LIPT1: variants seen among roughly 807,000 people sequenced by gnomAD.
LIPT1 encodes the protein lipoyl amidotransferase LIPT1, mitochondrial.
A neutral mutation model predicts 25.1 loss-of-function variants in LIPT1; 22 were observed. The observed-to-expected ratio is 0.88, with a 90% confidence interval of 0.63 to 1.25. The LOEUF (loss-of-function observed/expected upper bound fraction) is 1.25, where lower values mean the gene tolerates loss of function less well. Ranked by LOEUF, LIPT1 falls within the 50% of genes most tolerant of loss-of-function variation. LIPT1 has a pLI of 0.00. For missense variants in LIPT1, 399 were observed against 432.8 expected (o/e 0.92, Z 0.69); for synonymous variants, 131 against 150.8 (o/e 0.87, Z 0.96).
rs747631409 is a variant in LIPT1, at chr2:99,162,048, G to A, written c.91G>A (p.Gly31Arg). ...AAGFKKTVKN[G>R]LILQSISNDV... ...TGGCTTTAAAAAAACAGTAAAAAAT[G>A]GGCTCATTTTACAGTCAATTTCCAA... is the stretch of plus-strand genomic sequence containing the variant. The change falls in exon 2 of 2, where the codon GGG becomes AGG. Residue 31 changes from glycine (G) to arginine (R), a missense_variant. Physicochemically the swap from Gly to Arg is moderately radical, Grantham distance 125. Coordinates refer to ENST00000651691, the MANE Select transcript of LIPT1 (RefSeq NM_145199.3). 5.0e-6 allele frequency: 8 copies of A among 1,613,814 alleles called. No homozygotes were observed. The highest frequency in any genetic ancestry group is 6.8e-6 in the Non-Finnish European group (8 of 1,179,950).
chr2:99,159,263 C>G (rs953681141), intron 1 of LIPT1, among the ~76,000 whole-genome samples: 1 of 152,094 alleles, frequency 6.6e-6, no homozygotes, highest in Non-Finnish European at 1.5e-5. Context: ...CGGGGTTTCA[C>G]TGTGTTAGCC....
rs964774598 is a variant in LIPT1 at position 99,155,415 on chromosome 2, C to G, written c.-2+364C>G. The G allele has an allele frequency of 4.0e-5, 18 of 451,348 alleles. No individual in the cohort carries two copies. In the East Asian group the frequency reaches 1.3e-3, roughly 31 times the overall value. 28.0% of individuals were successfully genotyped at this position (451,348 alleles called of 1,614,324 possible). Reference sequence around the variant, plus strand: ...AGGGGACAAAATAATAGGGTCTTGGCGAGGTCTTATGAAGAAGCTGCGCCT... The same window carrying G: ...AGGGGACAAAATAATAGGGTCTTGGGGAGGTCTTATGAAGAAGCTGCGCCT... On this transcript the variant is annotated intron_variant, in intron 1 of 1. Coordinates refer to ENST00000651691, the MANE Select transcript of LIPT1 (RefSeq NM_145199.3).
At chr2:99,155,494 G>A (rs1433553784) in intron 1 of LIPT1, 2 of 455,974 alleles carry the variant, frequency 4.4e-6, no homozygotes, top group African/African-American at 2.0e-5. Flanking sequence ...CAGTGATGGG[G>A]AGCCGTGTTT....
intron 1 of LIPT1, among the ~76,000 whole-genome samples, chr2:99,161,119 GC>G (rs1397290092): frequency 6.6e-6 from 1 of 150,890 alleles, no homozygotes; most frequent in Non-Finnish European, 1.5e-5. Flanking sequence ...ACAAAATTTA[GC>G]CACACGTGGT....
chr2:99,159,368 A>G (rs1460431733), intron 1 of LIPT1, among the ~76,000 whole-genome samples: 2 of 151,978 alleles, frequency 1.3e-5, no homozygotes, highest in African/African-American at 4.8e-5. Context: ...CGGCCAGTTC[A>G]CCTTCTTAAT....
chr2:99,156,761 T>C (rs891564479), intron 1 of LIPT1: 2 of 152,228 alleles, frequency 1.3e-5, no homozygotes, highest in African/African-American at 2.4e-5. Context: ...ATACATGCAT[T>C]GGCTCAATAC....
rs750027805 is a variant in LIPT1 at position 99,162,402 on chromosome 2, A to G, written c.445A>G (p.Thr149Ala). 1.2e-6 allele frequency: 2 copies of G among 1,614,050 alleles called. No homozygotes were observed. The highest frequency in any genetic ancestry group is 4.5e-5 in the East Asian group (2 of 44,892). The stretch of plus-strand genomic sequence containing the variant: ...CCAACCCCAGCTGGATGTGCAGGCT[A>G]CCAAAAGATTTGACCTTTTACTTGA... ...AVQPQLDVQA[T>A]KRFDLLLDGQ... Residue 149 changes from threonine (T) to alanine (A), a missense_variant, in exon 2 of 2, where the codon ACC becomes GCC. Transcript: ENST00000651691.
intron 1 of LIPT1, among the ~76,000 whole-genome samples, chr2:99,161,046 C>T (rs1405988755): frequency 6.7e-6 from 1 of 149,770 alleles, no homozygotes; most frequent in African/African-American, 2.5e-5. Context: ...GGCAGATCAC[C>T]TGAGGTCAGG....
chr2:99,155,132 G>C (rs2093737126), intron 1 of LIPT1, 81 bp downstream of exon 1: 4 of 445,312 alleles, frequency 9.0e-6, no homozygotes, highest in South Asian at 1.6e-5. Context: ...GGCGCGCGCG[G>C]TGTTTCTGGC....
Position 99,162,656 on chromosome 2 carries a change from A to C in LIPT1, c.699A>C (p.Thr233=). 2 of 1,614,154 alleles carry C rather than the reference A, an allele frequency of 1.2e-6. No individual in the cohort carries two copies. Among genetic ancestry groups the C allele is most frequent in the Non-Finnish European group, 1.7e-6 (2 of 1,179,990 alleles). ...TCEVLMNAVA[T]EYAAYHQIDN... is the part of the protein sequence containing the mutation. Reference sequence around the variant, plus strand: ...AAGTACTAATGAATGCTGTTGCTACAGAGTATGCTGCTTATCATCAAATTG... The same window carrying C: ...AAGTACTAATGAATGCTGTTGCTACCGAGTATGCTGCTTATCATCAAATTG... Residue 233 remains threonine, a synonymous_variant, in exon 2 of 2, where the codon ACA becomes ACC. Coordinates refer to ENST00000651691, the MANE Select transcript of LIPT1 (RefSeq NM_145199.3).
chr2:99,160,936 A>G (rs773972947), intron 1 of LIPT1, among the ~76,000 whole-genome samples: 5 of 152,134 alleles, frequency 3.3e-5, no homozygotes, highest in Admixed American at 6.5e-5. Context: ...CTTGTTAACA[A>G]TGGAATATTA....
At chr2:99,156,084 T>C (rs1445876642) in intron 1 of LIPT1, among the ~76,000 whole-genome samples, 1 of 152,148 alleles carries the variant, frequency 6.6e-6, no homozygotes, top group Non-Finnish European at 1.5e-5. Context: ...TGATTTTTTC[T>C]TATCTTTCGG....
chr2:99,162,865 AG>A lies in LIPT1; in HGVS notation c.909del (p.Asn304MetfsTer24). Reference protein sequence around the residue: ...HLEIKVFIDIKNGRIEICNIE... With the variant: ...HLEIKVFIDIXNGRIEICNIE... Reference sequence around the variant, plus strand: ...GAAATTAAAGTATTCATAGACATAAAGAATGGAAGAATTGAAATTTGTAATA... The same window carrying A: ...GAAATTAAAGTATTCATAGACATAAAAATGGAAGAATTGAAATTTGTAATA... On this transcript the variant is annotated frameshift_variant, in exon 2 of 2. Coordinates refer to ENST00000651691, the MANE Select transcript of LIPT1 (RefSeq NM_145199.3). LOFTEE classifies it high-confidence loss of function. The A allele has an allele frequency of 6.2e-7, 1 of 1,612,712 alleles. No individual in the cohort carries two copies. The highest frequency in any genetic ancestry group is 8.5e-7 in the Non-Finnish European group (1 of 1,179,058).
intron 1 of LIPT1, among the ~76,000 whole-genome samples, chr2:99,159,111 G>A (rs1240504742): frequency 6.6e-6 from 1 of 151,974 alleles, no homozygotes; most frequent in Non-Finnish European, 1.5e-5. Flanking sequence ...TGTATTTTTA[G>A]TAGAGACGGG....
At chr2:99,160,387 A>G (rs2093778758) in intron 1 of LIPT1, among the ~76,000 whole-genome samples, 1 of 152,230 alleles carries the variant, frequency 6.6e-6, no homozygotes, top group Non-Finnish European at 1.5e-5. Context: ...TCTTAAAAAT[A>G]AAAAATAAAA....
At chr2:99,157,756 G>C (rs2105186863) in intron 1 of LIPT1, among the ~76,000 whole-genome samples, 1 of 152,278 alleles carries the variant, frequency 6.6e-6, no homozygotes, top group East Asian at 1.9e-4. Context: ...AAATGTTGCT[G>C]CTCTTCAGTC....
chr2:99,160,822 T>C (rs938213180), intron 1 of LIPT1, among the ~76,000 whole-genome samples: 3 of 152,146 alleles, frequency 2.0e-5, no homozygotes, highest in South Asian at 4.1e-4. Context: ...TAAAGTGTTA[T>C]AAAGACATAA....
At position 99,155,260 on chromosome 2, in the gene LIPT1, A is replaced by C. The variant is rs557695744; in HGVS notation, c.-2+209A>C. The C allele has an allele frequency of 1.8e-3, 679 of 367,226 alleles. 4 individuals are homozygous for C. The highest frequency in any genetic ancestry group is 2.7e-3 in the Non-Finnish European group (502 of 184,544). 22.7% of individuals were successfully genotyped at this position (367,226 alleles called of 1,614,324 possible). A position where few individuals can be genotyped will look rare whatever the true frequency, so the allele number is the denominator to read the frequency against. On this transcript the variant is annotated intron_variant, in intron 1 of 1. Transcript: ENST00000651691. The stretch of plus-strand genomic sequence containing the variant: ...GTTAGGAACGGTTGATCCCGAACAC[A>C]GGAGGGAGGGTAAATATCGTAAAAC...
At chr2:99,156,133 T>G (rs1205885110) in intron 1 of LIPT1, among the ~76,000 whole-genome samples, 1 of 152,244 alleles carries the variant, frequency 6.6e-6, no homozygotes, top group Non-Finnish European at 1.5e-5. Flanking sequence ...GAGGTCTGTT[T>G]ATTGGTTTAC....
Sources: gnomAD v4.1 joint callset for allele counts (sites outside exome capture counted in the v4.1 genomes callset) on GRCh38, gnomAD v4.1.1 for gene constraint, MANE v1.5 for transcripts, NCBI Gene and HGNC (gene_info 2026-07-23, HGNC 2026-07-21) for gene names.